GNAO1: variants seen among roughly 807,000 people sequenced by gnomAD.
GNAO1 encodes the protein guanine nucleotide-binding protein G(o) subunit alpha.
For missense variants in GNAO1, 166 were observed against 478.7 expected, an observed-to-expected ratio of 0.35 and a Z score of 6.10; for synonymous variants, 164 against 180.7, an observed-to-expected ratio of 0.91 and a Z score of 0.74.
intron 3 of GNAO1, 99 bp from the exon 4 acceptor site, chr16:56,328,532 G>T: frequency 8.1e-7 from 1 of 1,240,204 alleles, no homozygotes. Flanking sequence ...GCACTGGCTG[G>T]GCTCTCATCA....
chr16:56,295,590 A>G (rs1340898016), intron 3 of GNAO1, among the ~76,000 whole-genome samples: 1 of 152,112 alleles, frequency 6.6e-6, no homozygotes, highest in African/African-American at 2.4e-5. Flanking sequence ...CCTTTCTCCC[A>G]GTTATCCAAG....
intron 2 of GNAO1, among the ~76,000 whole-genome samples, chr16:56,256,706 C>T (rs1596823921): frequency 8.4e-6 from 1 of 118,664 alleles, no homozygotes; most frequent in Non-Finnish European, 1.7e-5. Flanking sequence ...CTCTCTCTCT[C>T]TCTCTCTCTC....
At chr16:56,266,523 C>T (rs1476838545) in intron 2 of GNAO1, among the ~76,000 whole-genome samples, 5 of 152,232 alleles carry the variant, frequency 3.3e-5, no homozygotes, top group African/African-American at 9.6e-5. Flanking sequence ...GTCTGGCCCC[C>T]CAGCACCACA....
At chr16:56,313,992 G>A (rs2143613509) in intron 3 of GNAO1, among the ~76,000 whole-genome samples, 2 of 152,204 alleles carry the variant, frequency 1.3e-5, no homozygotes, top group Middle Eastern at 6.8e-3. Context: ...AAAATTCACT[G>A]GCCTACCTTG....
In GNAO1 at chr16:56,326,989, C is replaced by T. The variant is rs2037639078; in HGVS notation, c.304-1642C>T. On this transcript the variant is annotated intron_variant, in intron 3 of 8. Coordinates refer to ENST00000262493, the MANE Select transcript of GNAO1 (RefSeq NM_020988.3). The surrounding 1 kb of genome is among the most constrained non-coding windows in gnomAD (Gnocchi z 4.8). ...TCCGAAGGCACCTCATCTTGAGTCCCACCCCTGCCACTCACCATCGGGTTG... is the reference window on the plus strand; with the variant it reads ...TCCGAAGGCACCTCATCTTGAGTCCTACCCCTGCCACTCACCATCGGGTTG... 2.0e-5 allele frequency among the ~76,000 whole-genome samples: 3 copies of T among 152,264 alleles called. No homozygotes were observed. The highest frequency in any genetic ancestry group is 7.2e-5 in the African/African-American group (3 of 41,564).
intron 6 of GNAO1, among the ~76,000 whole-genome samples, chr16:56,348,454 A>G (rs1368480113): frequency 6.6e-6 from 1 of 152,188 alleles, no homozygotes; most frequent in Non-Finnish European, 1.5e-5. Context: ...GGCCACCTGG[A>G]CACTGCTGTG....
intron 2 of GNAO1, among the ~76,000 whole-genome samples, chr16:56,260,301 C>G (rs1465507377): frequency 2.0e-5 from 3 of 152,102 alleles, no homozygotes; most frequent in Non-Finnish European, 4.4e-5. Flanking sequence ...TACCTGAAAT[C>G]CAGATGAGAG....
At chr16:56,334,155 C>G (rs1596870998) in intron 4 of GNAO1, among the ~76,000 whole-genome samples, 1 of 152,174 alleles carries the variant, frequency 6.6e-6, no homozygotes, top group Admixed American at 6.5e-5. Context: ...CCTCCAAGAG[C>G]ATCAAATTGG....
chr16:56,267,442 A>T (rs1310765006), intron 2 of GNAO1, among the ~76,000 whole-genome samples: 7 of 152,220 alleles, frequency 4.6e-5, no homozygotes, highest in Non-Finnish European at 8.8e-5. Context: ...AGCTGCCTTC[A>T]TGCATTTCAC....
intron 6 of GNAO1, chr16:56,339,789 C>G (rs1237318725): frequency 6.6e-6 from 1 of 152,634 alleles, no homozygotes; most frequent in Non-Finnish European, 1.5e-5. Flanking sequence ...CTTGCCAAAC[C>G]AAGGCCAAAA....
Position 56,192,095 on chromosome 16 carries a change from T to C in GNAO1, c.-141T>C. The C allele has an allele frequency of 1.7e-6, 1 of 605,570 alleles. No homozygotes were observed. The highest frequency in any genetic ancestry group is 2.8e-5 in the East Asian group (1 of 36,168). 37.5% of individuals were successfully genotyped at this position (605,570 alleles called of 1,614,324 possible). A position where few individuals can be genotyped will look rare whatever the true frequency, so the allele number is the denominator to read the frequency against. On this transcript the variant is annotated 5_prime_UTR_variant, in exon 1 of 9. Coordinates refer to ENST00000262493, the MANE Select transcript of GNAO1 (RefSeq NM_020988.3). ...TTTGGAGGGTTCTGGTTTCCCGACA[T>C]TTTTGTTTCCAGCCCAGGAGAGGAT...
chr16:56,248,091 C>G (rs2036766148), intron 2 of GNAO1, among the ~76,000 whole-genome samples: 1 of 152,208 alleles, frequency 6.6e-6, no homozygotes, highest in Non-Finnish European at 1.5e-5. Flanking sequence ...AAAACCCAAA[C>G]TGATTTTCTT....
chr16:56,235,935 C>T (rs2036633304), intron 2 of GNAO1, among the ~76,000 whole-genome samples: 1 of 152,148 alleles, frequency 6.6e-6, no homozygotes, highest in Non-Finnish European at 1.5e-5. Context: ...ACGACTTGGA[C>T]CTTTATCATT....
intron 6 of GNAO1, chr16:56,340,604 C>A: frequency 1.9e-6 from 1 of 531,776 alleles, no homozygotes; most frequent in Non-Finnish European, 3.4e-6. Context: ...CATCCCCCAA[C>A]CCTGCCCGGC....
intron 2 of GNAO1, among the ~76,000 whole-genome samples, chr16:56,220,590 A>G (rs1310636687): frequency 6.6e-6 from 1 of 152,314 alleles, no homozygotes; most frequent in South Asian, 2.1e-4. Context: ...ATGTTTGCGT[A>G]TGGGGGTTGC....
intron 4 of GNAO1, among the ~76,000 whole-genome samples, chr16:56,329,880 C>G (rs1286510220): frequency 6.6e-6 from 1 of 152,178 alleles, no homozygotes; most frequent in Non-Finnish European, 1.5e-5. Context: ...AGGTAGAGGC[C>G]AGAGATGCTG....
chr16:56,299,771 G>A (rs2037323032), intron 3 of GNAO1, among the ~76,000 whole-genome samples: 1 of 152,124 alleles, frequency 6.6e-6, no homozygotes, highest in Non-Finnish European at 1.5e-5. Flanking sequence ...AGATGATGAG[G>A]AAGCATCATC....
chr16:56,192,801 C>G (rs2036191762), intron 2 of GNAO1, 185 bp downstream of exon 2: 1 of 594,254 alleles, frequency 1.7e-6, no homozygotes, highest in Non-Finnish European at 3.0e-6. Flanking sequence ...TCTGGGTCCT[C>G]CACCCTAACT....
intron 2 of GNAO1, among the ~76,000 whole-genome samples, chr16:56,265,759 G>A (rs1207643858): frequency 3.9e-5 from 6 of 152,178 alleles, no homozygotes; most frequent in Admixed American, 3.9e-4. Context: ...CTGGTGGGAG[G>A]CAAGATGGTT....
Sources: allele counts gnomAD v4.1 joint callset (sites outside exome capture counted in the v4.1 genomes callset), GRCh38; gene constraint gnomAD v4.1.1; non-coding constraint Gnocchi (gnomAD v3.1); transcripts MANE v1.5; gene names NCBI Gene and HGNC (gene_info 2026-07-23, HGNC 2026-07-21).